The following PRDM16 variants were observed in gnomAD, a reference collection of about 807,000 sequenced individuals.
PRDM16 encodes PR/SET domain 16, also known as histone-lysine N-methyltransferase PRDM16.
PRDM16 carries 23 observed loss-of-function variants against 110.6 expected under a neutral mutation model. The ratio of observed to expected loss-of-function variants is 0.21; its 90% confidence interval spans 0.15 to 0.29. The LOEUF (loss-of-function observed/expected upper bound fraction) is 0.29. Among genes scored for constraint, PRDM16 ranks in the 10% least tolerant of loss-of-function variants. PRDM16 has a pLI of 1.00. For missense variants in PRDM16, 1,615 were observed against 1,794.3 expected (o/e 0.90, Z 1.81); for synonymous variants, 799 against 781.8 (o/e 1.02, Z -0.37).
chr1:3,394,695 C>G (rs970157913), intron 4 of PRDM16, among the ~76,000 whole-genome samples: 2 of 152,214 alleles, frequency 1.3e-5, no homozygotes, highest in African/African-American at 2.4e-5. Flanking sequence ...CTTCCACTTG[C>G]GCCTGCTACA....
At chr1:3,412,822 C>T in intron 9 of PRDM16, 22 bp downstream of exon 9, 1 of 1,431,408 alleles carries the variant, frequency 7.0e-7, no homozygotes, top group African/African-American at 1.5e-5. Flanking sequence ...CCCAGCCTCA[C>T]TGGCTCTCCC....
intron 3 of PRDM16, among the ~76,000 whole-genome samples, chr1:3,349,088 T>C (rs1186633864): frequency 6.6e-6 from 1 of 152,158 alleles, no homozygotes; most frequent in Non-Finnish European, 1.5e-5. Flanking sequence ...CCATAACGAT[T>C]ATTGAATTTG....
chr1:3,281,333 C>A (rs1312533740), intron 3 of PRDM16, among the ~76,000 whole-genome samples: 2 of 152,182 alleles, frequency 1.3e-5, no homozygotes, highest in Admixed American at 1.3e-4. Context: ...TGCTCCAGAC[C>A]AGGCTGGCAC....
At chr1:3,292,042 G>C (rs72632161) in intron 3 of PRDM16, among the ~76,000 whole-genome samples, 3 of 152,068 alleles carry the variant, frequency 2.0e-5, no homozygotes, top group Non-Finnish European at 2.9e-5. Flanking sequence ...GCAGGACCCC[G>C]CAGGAAGGTG....
rs532832431 is a variant in PRDM16, at chr1:3,210,811, C to T, written c.387+24337C>T. 4.6e-5 allele frequency among the ~76,000 whole-genome samples: 7 copies of T among 152,298 alleles called. No homozygotes were observed. In the East Asian group the frequency reaches 1.3e-3, roughly 29 times the overall value. On this transcript the variant is annotated intron_variant, in intron 2 of 16. Transcript: ENST00000270722. ...TTGTTCATTCATTCGTTAGATATCG[C>T]TTTGTCCACGTATTCATGAGATATT... is the stretch of plus-strand genomic sequence containing the variant.
intron 3 of PRDM16, among the ~76,000 whole-genome samples, chr1:3,272,039 C>T (rs1209253332): frequency 6.6e-6 from 1 of 152,210 alleles, no homozygotes; most frequent in East Asian, 1.9e-4. Context: ...TGGGTTGGGA[C>T]ACGGTGCCCA....
chr1:3,070,031 G>T (rs1475566329), intron 1 of PRDM16, among the ~76,000 whole-genome samples: 1 of 151,824 alleles, frequency 6.6e-6, no homozygotes, highest in Non-Finnish European at 1.5e-5. Flanking sequence ...CTGGGACGCC[G>T]GCAGCCTGCG....
intron 1 of PRDM16, among the ~76,000 whole-genome samples, chr1:3,179,674 G>A (rs865788001): frequency 2.0e-5 from 3 of 152,246 alleles, no homozygotes; most frequent in Non-Finnish European, 2.9e-5. Flanking sequence ...GCAGATTGAA[G>A]GGGCCGCCCG....
chr1:3,301,455 A>G (rs1272279040), intron 3 of PRDM16, among the ~76,000 whole-genome samples: 1 of 152,218 alleles, frequency 6.6e-6, no homozygotes, highest in Non-Finnish European at 1.5e-5. Context: ...TTTAGAGAAA[A>G]GGGGATGTTA....
intron 8 of PRDM16, among the ~76,000 whole-genome samples, chr1:3,411,058 A>T (rs1470977901): frequency 8.8e-6 from 1 of 113,680 alleles, no homozygotes; most frequent in East Asian, 2.0e-4. Flanking sequence ...GCACACACAC[A>T]TATGTTTCCA....
At chr1:3,211,449 T>C (rs565757388) in intron 2 of PRDM16, among the ~76,000 whole-genome samples, 40 of 152,360 alleles carry the variant, frequency 2.6e-4, no homozygotes, top group Non-Finnish European at 2.8e-4. Flanking sequence ...TAGCTGGAGA[T>C]GCGGCCGTGG....
chr1:3,400,636 G>A (rs1643451250), intron 5 of PRDM16, among the ~76,000 whole-genome samples: 1 of 152,198 alleles, frequency 6.6e-6, no homozygotes, highest in Non-Finnish European at 1.5e-5. Flanking sequence ...TGGAGCTGAG[G>A]TGTGGACCGC....
chr1:3,436,588 G>A lies in PRDM16; in HGVS notation c.*2777G>A, dbSNP rs954437782. 5 of 231,600 alleles carry A rather than the reference G, an allele frequency of 2.2e-5. No homozygotes were observed. Among genetic ancestry groups the A allele is most frequent in the African/African-American group, 4.4e-5 (2 of 45,180 alleles). The allele number at this position is 231,600 out of a possible 1,614,324, so 14.3% of individuals were successfully genotyped here. ...CCTGGGCTGGTGCGCCCCAAAACAC[G>A]GCCCCGACACTTAGTGTGGCCCCAG... On this transcript the variant is annotated 3_prime_UTR_variant, in exon 17 of 17. Coordinates refer to ENST00000270722, the MANE Select transcript of PRDM16 (RefSeq NM_022114.4).
At chr1:3,113,185 G>A (rs892665524) in intron 1 of PRDM16, among the ~76,000 whole-genome samples, 3 of 152,234 alleles carry the variant, frequency 2.0e-5, no homozygotes, top group Non-Finnish European at 2.9e-5. Context: ...CTGGACACCC[G>A]TGCTGTGCAC....
chr1:3,338,089 A>G (rs1011430098), intron 3 of PRDM16, among the ~76,000 whole-genome samples: 1 of 152,368 alleles, frequency 6.6e-6, no homozygotes, highest in African/African-American at 2.4e-5. Flanking sequence ...ACACGTGTGC[A>G]CACACATGAA....
intron 3 of PRDM16, among the ~76,000 whole-genome samples, chr1:3,287,774 A>C (rs1640889663): frequency 7.2e-6 from 1 of 138,656 alleles, no homozygotes; most frequent in African/African-American, 2.9e-5. Context: ...CGAGGATTGC[A>C]TTTACCGGGG....
intron 3 of PRDM16, among the ~76,000 whole-genome samples, chr1:3,291,877 C>T (rs916088371): frequency 3.3e-5 from 5 of 152,226 alleles, no homozygotes; most frequent in African/African-American, 1.2e-4. Context: ...AACAGTGCAC[C>T]TCCCACTGCT....
chr1:3,084,529 G>A (rs1360001395), intron 1 of PRDM16, among the ~76,000 whole-genome samples: 4 of 152,160 alleles, frequency 2.6e-5, no homozygotes, highest in African/African-American at 4.8e-5. Flanking sequence ...ATGGGCCCCC[G>A]ATAAAGCGGC....
chr1:3,174,393 A>G (rs1161819209), intron 1 of PRDM16, among the ~76,000 whole-genome samples: 1 of 152,122 alleles, frequency 6.6e-6, no homozygotes, highest in Non-Finnish European at 1.5e-5. Flanking sequence ...TTTTGGGGTG[A>G]CATCATTCAA....
Sources: gnomAD v4.1 joint callset for allele counts (sites outside exome capture counted in the v4.1 genomes callset) on GRCh38, gnomAD v4.1.1 for gene constraint, MANE v1.5 for transcripts, NCBI Gene and HGNC (gene_info 2026-07-23, HGNC 2026-07-21) for gene names.